The following PGR variants were observed in gnomAD, a reference collection of about 807,000 sequenced individuals.
PGR encodes the protein progesterone receptor, also known as nuclear receptor subfamily 3 group C member 3.
PGR carries 25 observed loss-of-function variants against 76.1 expected under a neutral mutation model. That is an observed-to-expected ratio of 0.33 (90% CI 0.24 to 0.46). The LOEUF is 0.46. Among genes scored for constraint, PGR ranks in the 20% least tolerant of loss-of-function variants. The pLI, the probability that PGR is intolerant of heterozygous loss-of-function variation, is 1.00. For synonymous variants in PGR, 579 were observed against 535.0 expected, an observed-to-expected ratio of 1.08 and a Z score of -1.14; for missense variants, 1,172 against 1,225.3, an observed-to-expected ratio of 0.96 and a Z score of 0.65.
intron 2 of PGR, among the ~76,000 whole-genome samples, chr11:101,093,606 T>C (rs1395538423): frequency 1.3e-5 from 2 of 152,144 alleles, no homozygotes; most frequent in African/African-American, 2.4e-5. Flanking sequence ...ATTACAGGCA[T>C]GCACCACCAC....
In PGR at chr11:101,127,542, G is replaced by A; in HGVS notation, c.1529C>T (p.Ala510Val). ...ASAAAAGAAP[A>V]LYPALGLNGL... ...GTTGAGGCCGAGTGCAGGGTAGAGC[G>A]CGGGGGCCGCCCCGGCGGCGGCGGC... is the stretch of plus-strand genomic sequence containing the variant. Residue 510 changes from alanine to valine, a missense_variant, in exon 1 of 8, where the codon GCG (alanine) becomes GTG (valine). This residue lies in a region of PGR where 893 missense variants were observed against 785.9 expected (regional missense o/e 1.14). Transcript: ENST00000325455. The A allele has an allele frequency of 7.0e-7, 1 of 1,421,428 alleles. No homozygotes were observed. Among genetic ancestry groups the A allele is most frequent in the South Asian group, 1.5e-5 (1 of 65,796 alleles). 88.1% of individuals were successfully genotyped at this position (1,421,428 alleles called of 1,614,324 possible).
At chr11:101,123,111 T>C (rs1044692163) in intron 2 of PGR, among the ~76,000 whole-genome samples, 4 of 152,224 alleles carry the variant, frequency 2.6e-5, no homozygotes, top group Non-Finnish European at 4.4e-5. Flanking sequence ...TACCATTTCC[T>C]AAGCGTATTA....
Position 101,030,237 on chromosome 11 carries a change from T to C in PGR, c.*8879A>G, listed in dbSNP as rs979972124. On this transcript the variant is annotated 3_prime_UTR_variant, in exon 8 of 8. Transcript: ENST00000325455. ...TGCCAAGTATTAACACTAGTTTTAC[T>C]AATAAGCAACGGGGTAGATAACTTT... 4.5e-5 allele frequency: 10 copies of C among 223,336 alleles called. No individual in the cohort carries two copies. The Admixed American group carries it at 5.7e-4, about 13-fold the overall frequency. 13.8% of individuals were successfully genotyped at this position (223,336 alleles called of 1,614,324 possible).
At chr11:101,113,100 C>T (rs1217075287) in intron 2 of PGR, among the ~76,000 whole-genome samples, 3 of 148,882 alleles carry the variant, frequency 2.0e-5, no homozygotes. Flanking sequence ...TCTTATAATA[C>T]CTTCACAACA....
In PGR at chr11:101,128,040, C is replaced by A; in HGVS notation, c.1031G>T (p.Ser344Ile). The part of the protein sequence containing the change: ...GAASAFAPPR[S>I]SPCASSTPVA... ...CGGGGTGGACGAGGCACAGGGTGAA[C>A]TCCGCGGCGGGGCAAAGGCGCTGGC... The change falls in exon 1 of 8, where the codon AGT (serine) becomes ATT (isoleucine). Residue 344 changes from serine to isoleucine, a missense_variant. Physicochemically the swap from Ser to Ile is moderately radical, Grantham distance 142 (BLOSUM62 -2). Coordinates refer to ENST00000325455, the MANE Select transcript of PGR (RefSeq NM_000926.4). 6.2e-7 allele frequency: 1 copy of A among 1,605,990 alleles called. No individual in the cohort carries two copies. The highest frequency in any genetic ancestry group is 8.5e-7 in the Non-Finnish European group (1 of 1,179,706).
In PGR at chr11:101,102,797, T is replaced by C. The variant is rs188498731; in HGVS notation, c.1790-10921A>G. Among the ~76,000 whole-genome samples the C allele has an allele frequency of 7.3e-3, 1,075 of 147,214 alleles. 16 individuals are homozygous for C. Among genetic ancestry groups the C allele is most frequent in the African/African-American group, 0.025 (1,006 of 39,692 alleles). ...ATTTCTCTAGAACAGCAGTCCCTAA[T>C]CTTTTTTGCACCAGGGACAGGTTTC... On this transcript the variant is annotated intron_variant, in intron 2 of 7. Transcript: ENST00000325455.
At chr11:101,054,165 T>C (rs1014848331) in intron 4 of PGR, among the ~76,000 whole-genome samples, 3 of 152,188 alleles carry the variant, frequency 2.0e-5, no homozygotes, top group Non-Finnish European at 4.4e-5. Context: ...AGTGAACCCC[T>C]GTTGTCCTCT....
intron 4 of PGR, among the ~76,000 whole-genome samples, chr11:101,061,369 A>C (rs944404187): frequency 6.6e-6 from 1 of 152,266 alleles, no homozygotes; most frequent in South Asian, 2.1e-4. Flanking sequence ...AACTTTTCTT[A>C]ATATGTATTT....
At chr11:101,093,802 G>A (rs634179) in intron 2 of PGR, among the ~76,000 whole-genome samples, 25,314 of 152,098 alleles carry the variant, frequency 0.17, 2,452 homozygotes, top group African/African-American at 0.27. Context: ...AATAGAGCAC[G>A]CAGATGTAAT....
chr11:101,045,667 G>T (rs199592593), intron 6 of PGR, among the ~76,000 whole-genome samples: 4 of 27,078 alleles, frequency 1.5e-4, no homozygotes, highest in African/African-American at 3.6e-4. Context: ...ATTCCATTTT[G>T]TGTGTGTGTG....
intron 4 of PGR, among the ~76,000 whole-genome samples, chr11:101,059,304 T>C (rs1210503594): frequency 6.6e-6 from 1 of 152,070 alleles, no homozygotes; most frequent in Admixed American, 6.6e-5. Flanking sequence ...CACATAACAC[T>C]ATAGTTGTTT....
rs763024021 is a variant in PGR at position 101,127,526 on chromosome 11, G to A, written c.1545C>T (p.Leu515=). ...AGAAPALYPA[L]GLNGLPQLGY... ...CGAGCTGCGGGAGCCCGTTGAGGCC[G>A]AGTGCAGGGTAGAGCGCGGGGGCCG... Residue 515 remains leucine (L), a synonymous_variant, in exon 1 of 8, where the codon CTC becomes CTT. Transcript: ENST00000325455. 17 of 1,530,218 alleles carry A rather than the reference G, an allele frequency of 1.1e-5. No homozygotes were observed. The highest frequency in any genetic ancestry group is 1.3e-5 in the Non-Finnish European group (15 of 1,143,416). 94.8% of individuals were successfully genotyped at this position (1,530,218 alleles called of 1,614,324 possible).
chr11:101,128,583 G>C lies in PGR; in HGVS notation c.488C>G (p.Pro163Arg). The C allele has an allele frequency of 1.9e-6, 3 of 1,595,654 alleles. No homozygotes were observed. Among genetic ancestry groups the C allele is most frequent in the East Asian group, 2.3e-5 (1 of 44,296 alleles). The change falls in exon 1 of 8, where the codon CCG (proline) becomes CGG (arginine). Residue 163 changes from proline to arginine, a missense_variant. Pro to Arg is a moderately radical substitution (Grantham distance 103). Transcript: ENST00000325455. ...AAPATQRVLS[P>R]LMSRSGCKVG... ...CTTGCACCCGGACCGGCTCATGAGC[G>C]GGGACAACACCCGCTGGGTGGCGGG... is the stretch of plus-strand genomic sequence containing the variant.
chr11:101,061,479 G>GA (rs1398900665), intron 4 of PGR, among the ~76,000 whole-genome samples: 1 of 152,062 alleles, frequency 6.6e-6, no homozygotes, highest in Non-Finnish European at 1.5e-5. Context: ...CTTTTAGGTA[G>GA]AATAATAACT....
At chr11:101,108,039 A>C (rs1862229007) in intron 2 of PGR, among the ~76,000 whole-genome samples, 1 of 151,586 alleles carries the variant, frequency 6.6e-6, no homozygotes, top group Non-Finnish European at 1.5e-5. Context: ...AGATCACTTA[A>C]GGTCAGGAGT....
chr11:101,093,827 C>T (rs1221160744), intron 2 of PGR, among the ~76,000 whole-genome samples: 2 of 152,200 alleles, frequency 1.3e-5, no homozygotes, highest in African/African-American at 4.8e-5. Flanking sequence ...TGAAGAGAGG[C>T]TGTCCTACTG....
intron 2 of PGR, among the ~76,000 whole-genome samples, chr11:101,107,626 G>A (rs1004819236): frequency 2.0e-5 from 3 of 152,098 alleles, no homozygotes; most frequent in African/African-American, 7.2e-5. Context: ...TGTCAACAAA[G>A]TTGTTCATGT....
At chr11:101,049,340 A>C (rs1860007508) in intron 6 of PGR, among the ~76,000 whole-genome samples, 1 of 152,166 alleles carries the variant, frequency 6.6e-6, no homozygotes, top group African/African-American at 2.4e-5. Flanking sequence ...AAAAAGTAGA[A>C]GTAGTGACTC....
Position 101,128,486 on chromosome 11 carries a change from C to A in PGR, c.585G>T (p.Leu195=). 6.2e-7 allele frequency: 1 copy of A among 1,606,744 alleles called. No individual in the cohort carries two copies. Among genetic ancestry groups the A allele is most frequent in the South Asian group, 1.1e-5 (1 of 90,798 alleles). Residue 195 remains leucine, a synonymous_variant, in exon 1 of 8, where the codon CTG becomes CTT. Transcript: ENST00000325455. The part of the protein sequence containing the change: ...LPRGLSPARQ[L]LLPASESPHW... ...GAGGGCTCTCAGAGGCCGGGAGCAGCAGCTGCCGGGCTGGTGACAGGCCCC... is the reference window on the plus strand; with the variant it reads ...GAGGGCTCTCAGAGGCCGGGAGCAGAAGCTGCCGGGCTGGTGACAGGCCCC...
Sources: allele counts gnomAD v4.1 joint callset (sites outside exome capture counted in the v4.1 genomes callset), GRCh38; gene constraint gnomAD v4.1.1; regional missense constraint gnomAD v4.1.1; transcripts MANE v1.5; gene names NCBI Gene and HGNC (gene_info 2026-07-23, HGNC 2026-07-21).